NAV3: variants seen among roughly 807,000 people sequenced by gnomAD.
NAV3 encodes pore membrane and/or filament interacting like protein 1.
A neutral mutation model predicts 244.7 loss-of-function variants in NAV3; 87 were observed. The observed-to-expected ratio is 0.36, with a 90% confidence interval of 0.30 to 0.42. The LOEUF is 0.42. Ranked by LOEUF, NAV3 falls within the 20% of genes least tolerant of loss-of-function variation. NAV3 has a pLI of 1.00. For synonymous variants in NAV3, 1,126 were observed against 1,042.2 expected, an observed-to-expected ratio of 1.08 and a Z score of -1.55; for missense variants, 2,663 against 2,893.3, an observed-to-expected ratio of 0.92 and a Z score of 1.83.
intron 6 of NAV3, among the ~76,000 whole-genome samples, chr12:77,998,008 CT>C (rs1463227050): frequency 6.6e-6 from 1 of 152,194 alleles, no homozygotes; most frequent in African/African-American, 2.4e-5. Flanking sequence ...TTATTGTTTC[CT>C]TTACTTTTCA....
intron 2 of NAV3, among the ~76,000 whole-genome samples, chr12:77,599,893 G>A (rs1327586276): frequency 6.6e-6 from 1 of 151,874 alleles, no homozygotes; most frequent in Non-Finnish European, 1.5e-5. Flanking sequence ...GTACAGGAAG[G>A]CCTGTTAATG....
chr12:77,941,225 G>A, intron 3 of NAV3, 92 bp downstream of exon 3: 2 of 823,936 alleles, frequency 2.4e-6, no homozygotes, highest in Non-Finnish European at 3.9e-6. Flanking sequence ...TTTTCTGCAT[G>A]TCTTCCTGCT....
intron 2 of NAV3, among the ~76,000 whole-genome samples, chr12:77,793,202 T>C (rs1317242103): frequency 6.6e-6 from 1 of 152,206 alleles, no homozygotes; most frequent in Non-Finnish European, 1.5e-5. Flanking sequence ...AGTATAGTTA[T>C]AAAAAATTGG....
chr12:77,963,802 C>A (rs1159496649), intron 3 of NAV3, among the ~76,000 whole-genome samples: 2 of 151,942 alleles, frequency 1.3e-5, no homozygotes, highest in Admixed American at 6.6e-5. Flanking sequence ...AATGTATTAT[C>A]GATCATTTGT....
Position 78,125,084 on chromosome 12 carries a change from G to T in NAV3, c.4239-2083G>T, listed in dbSNP as rs1293170032. On this transcript the variant is annotated intron_variant, in intron 16 of 39. Transcript: ENST00000397909. ...TTCAAGTACATTTAAGAAAGTTTAT[G>T]ACCTATTGAAGAGAAAAGTAGATCT... 2.0e-5 allele frequency among the ~76,000 whole-genome samples: 3 copies of T among 152,082 alleles called. 1 individual carries two copies. The highest frequency in any genetic ancestry group is 7.2e-5 in the African/African-American group (3 of 41,420).
intron 8 of NAV3, among the ~76,000 whole-genome samples, chr12:78,007,940 A>T (rs76134136): frequency 0.016 from 2,438 of 152,290 alleles, 74 homozygotes; most frequent in African/African-American, 0.056. Context: ...GCTATAAGAC[A>T]TTGGGAAAGT....
At chr12:78,176,539 T>A in intron 26 of NAV3, 80 bp downstream of exon 26, 1 of 1,296,082 alleles carries the variant, frequency 7.7e-7, no homozygotes, top group Non-Finnish European at 1.1e-6. Context: ...ATTTTGGCAG[T>A]AGGCTTTTAT....
intron 3 of NAV3, among the ~76,000 whole-genome samples, chr12:77,951,975 A>G (rs1890934986): frequency 6.6e-6 from 1 of 151,568 alleles, no homozygotes; most frequent in South Asian, 2.1e-4. Context: ...GTAAATGATG[A>G]GTTAATGGGT....
At position 77,731,526 on chromosome 12, in the gene NAV3, G is replaced by T. The variant is rs570023847; in HGVS notation, c.72+159260G>T. On this transcript the variant is annotated intron_variant, in intron 2 of 8. Transcript: ENST00000550042. ...GTTAATTACTATCCAAATTGTGATTGGCAAATTCTAGCCAGGGTATAAAAA... is the reference window on the plus strand; with the variant it reads ...GTTAATTACTATCCAAATTGTGATTTGCAAATTCTAGCCAGGGTATAAAAA... Among the ~76,000 whole-genome samples the T allele has an allele frequency of 3.3e-5, 5 of 152,034 alleles. No homozygotes were observed. In the South Asian group the frequency reaches 1.0e-3, roughly 32 times the overall value.
chr12:78,096,545 C>A (rs938722256), intron 12 of NAV3, among the ~76,000 whole-genome samples: 24 of 151,998 alleles, frequency 1.6e-4, no homozygotes. Flanking sequence ...ACAATCATGG[C>A]GAAAGACTAA....
At chr12:77,636,342 T>G (rs2136936129) in intron 2 of NAV3, among the ~76,000 whole-genome samples, 1 of 151,720 alleles carries the variant, frequency 6.6e-6, no homozygotes, top group Admixed American at 6.6e-5. Context: ...GGTGGGCGCC[T>G]GTAGTCCCAG....
chr12:77,723,327 A>G (rs1463412778), intron 2 of NAV3, among the ~76,000 whole-genome samples: 1 of 151,114 alleles, frequency 6.6e-6, no homozygotes, highest in Non-Finnish European at 1.5e-5. Flanking sequence ...GCAAAACTAT[A>G]ATAATTAATT....
intron 22 of NAV3, among the ~76,000 whole-genome samples, chr12:78,150,628 TCC>T (rs1491357496): frequency 1.7e-4 from 16 of 96,142 alleles, no homozygotes; most frequent in African/African-American, 6.0e-4. Context: ...TGCAAAAGCT[TCC>T]TCACACACAC....
At chr12:77,892,435 A>G (rs184680019) in intron 1 of NAV3, among the ~76,000 whole-genome samples, 175 of 146,968 alleles carry the variant, frequency 1.2e-3, no homozygotes, top group Admixed American at 1.9e-3. Flanking sequence ...TTTTTTTTTT[A>G]GACAGAATCT....
Position 77,925,100 on chromosome 12 carries a change from G to T in NAV3, c.244-15219G>T, listed in dbSNP as rs532490945. 5.6e-4 allele frequency among the ~76,000 whole-genome samples: 85 copies of T among 152,184 alleles called. No homozygotes were observed. In the South Asian group the frequency reaches 7.3e-3, roughly 13 times the overall value. ...TTTTGAAGGGTGGGGGAATGATGGG[G>T]AGGGTGAAAGGTTGGGAAAAAAAAC... On this transcript the variant is annotated intron_variant, in intron 1 of 39. Coordinates refer to ENST00000397909, the MANE Select transcript of NAV3 (RefSeq NM_001024383.2).
intron 2 of NAV3, among the ~76,000 whole-genome samples, chr12:77,791,719 G>C (rs759121867): frequency 6.6e-6 from 1 of 152,056 alleles, no homozygotes; most frequent in Non-Finnish European, 1.5e-5. Context: ...CTCCCCATTC[G>C]TAGATTCAAA....
intron 16 of NAV3, among the ~76,000 whole-genome samples, chr12:78,124,041 C>T (rs1955799030): frequency 6.6e-6 from 1 of 152,158 alleles, no homozygotes; most frequent in Non-Finnish European, 1.5e-5. Context: ...AACTTGATAA[C>T]CAAACCAAAC....
chr12:78,073,739 C>T (rs1212115835), intron 12 of NAV3, among the ~76,000 whole-genome samples: 1 of 152,074 alleles, frequency 6.6e-6, no homozygotes. Context: ...CCAAGTCAAT[C>T]CTAAGCCAAA....
At chr12:77,810,360 A>G (rs914378336) in intron 2 of NAV3, among the ~76,000 whole-genome samples, 1 of 152,222 alleles carries the variant, frequency 6.6e-6, no homozygotes, top group Non-Finnish European at 1.5e-5. Context: ...TTTAGTAGAC[A>G]TGGGGTTTCA....
Sources: gnomAD v4.1 joint callset for allele counts (sites outside exome capture counted in the v4.1 genomes callset) on GRCh38, gnomAD v4.1.1 for gene constraint, MANE v1.5 for transcripts, NCBI Gene and HGNC (gene_info 2026-07-23, HGNC 2026-07-21) for gene names.